The following VWF variants were observed in gnomAD, a reference collection of about 807,000 sequenced individuals.
The protein encoded by VWF is Factor VIII related antigen.
A neutral mutation model predicts 308.6 loss-of-function variants in VWF; 176 were observed. That is an observed-to-expected ratio of 0.57 (90% CI 0.50 to 0.65). The LOEUF is 0.65. Among genes scored for constraint, VWF ranks in the 30% least tolerant of loss-of-function variants. The pLI is 0.00. For synonymous variants in VWF, 1,385 were observed against 1,443.4 expected, an observed-to-expected ratio of 0.96 and a Z score of 0.92; for missense variants, 3,146 against 3,648.2, an observed-to-expected ratio of 0.86 and a Z score of 3.55.
chr12:6,084,206 TAA>T (rs775803452), intron 6 of VWF, among the ~76,000 whole-genome samples: 40 of 152,238 alleles, frequency 2.6e-4, no homozygotes, highest in Non-Finnish European at 4.4e-4. Flanking sequence ...CAAATGCTTA[TAA>T]CTATTCTCAT....
At chr12:6,082,448 T>C (rs1028375191) in intron 6 of VWF, among the ~76,000 whole-genome samples, 3 of 152,224 alleles carry the variant, frequency 2.0e-5, no homozygotes, top group Non-Finnish European at 2.9e-5. Flanking sequence ...GATTAAACAG[T>C]TGGAGAACTG....
intron 38 of VWF, 149 bp from the exon 39 acceptor site, chr12:5,985,814 G>A: frequency 3.9e-6 from 3 of 767,736 alleles, no homozygotes; most frequent in Non-Finnish European, 6.7e-6. Flanking sequence ...AAAGCAGGCT[G>A]AAAGGAGGTT....
rs1306604005 is a variant in VWF at position 5,951,835 on chromosome 12, C to T, written c.8155+9G>A. ...GTTTCAAGGGACAAGATATTAGTAACGCACTCACATGTGTCACAGCAGGTG... is the reference window on the plus strand; with the variant it reads ...GTTTCAAGGGACAAGATATTAGTAATGCACTCACATGTGTCACAGCAGGTG... On this transcript the variant is annotated intron_variant, in intron 50 of 51. Transcript: ENST00000261405. 8 of 1,614,020 alleles carry T rather than the reference C, an allele frequency of 5.0e-6. No individual in the cohort carries two copies. The highest frequency in any genetic ancestry group is 1.3e-5 in the African/African-American group (1 of 74,926).
chr12:6,032,414 C>A (rs542901911), intron 20 of VWF, among the ~76,000 whole-genome samples: 5 of 151,236 alleles, frequency 3.3e-5, no homozygotes, highest in African/African-American at 1.2e-4. Context: ...CTGAGGCGGG[C>A]GGATCACGAG....
intron 46 of VWF, 54 bp from the exon 47 acceptor site, chr12:5,967,656 C>A: frequency 6.7e-7 from 1 of 1,497,450 alleles, no homozygotes; most frequent in Non-Finnish European, 9.2e-7. Flanking sequence ...ACCCCCCACT[C>A]ACCTCACTCT....
intron 18 of VWF, among the ~76,000 whole-genome samples, chr12:6,039,733 G>A (rs1052761236): frequency 6.6e-6 from 1 of 152,210 alleles, no homozygotes; most frequent in Non-Finnish European, 1.5e-5. Context: ...ACGCCCACAT[G>A]TGAGGCCGCC....
chr12:6,103,432 GTGTGTATATACATACACATATA>G (rs1945200034), intron 5 of VWF, among the ~76,000 whole-genome samples: 1 of 117,262 alleles, frequency 8.5e-6, no homozygotes, highest in Non-Finnish European at 1.6e-5. Context: ...GTATACACAC[GTGTGTATATACATACACATATA>G]TGTGTATATA....
At chr12:6,018,022 T>G (rs1944081793) in intron 28 of VWF, among the ~76,000 whole-genome samples, 1 of 151,778 alleles carries the variant, frequency 6.6e-6, no homozygotes. Flanking sequence ...AGGGTGGAAT[T>G]GGGTGGGGAA....
rs911553909 is a variant in VWF, at chr12:6,075,103, G to A, written c.874+232C>T. ...GAAGTCAGGGGGCGCCAGGGGAGGC[G>A]TGGGGGCGGGACGGAGGCAGGGGCA... On this transcript the variant is annotated intron_variant, in intron 7 of 51. Coordinates refer to ENST00000261405, the MANE Select transcript of VWF (RefSeq NM_000552.5). The surrounding 1 kb of genome is among the most constrained non-coding windows in gnomAD (Gnocchi z 4.7). Among the ~76,000 whole-genome samples, 3 of 151,594 alleles carry A rather than the reference G, an allele frequency of 2.0e-5. No homozygotes were observed. Among genetic ancestry groups the A allele is most frequent in the Admixed American group, 6.6e-5 (1 of 15,208 alleles).
intron 22 of VWF, among the ~76,000 whole-genome samples, chr12:6,026,450 G>T (rs1250804719): frequency 6.6e-6 from 1 of 152,164 alleles, no homozygotes. Context: ...TCCAAGGAGG[G>T]AAAGTTATAG....
intron 47 of VWF, among the ~76,000 whole-genome samples, chr12:5,964,072 C>T (rs972026880): frequency 7.9e-5 from 12 of 152,026 alleles, no homozygotes; most frequent in Non-Finnish European, 1.8e-4. Flanking sequence ...AAAAAATTAG[C>T]TGGGCATGGC....
chr12:5,995,488 CAAGTA>C (rs1450568948), intron 35 of VWF, among the ~76,000 whole-genome samples: 10 of 152,122 alleles, frequency 6.6e-5, no homozygotes, highest in African/African-American at 2.4e-4. Flanking sequence ...TCTACACGAA[CAAGTA>C]AAGAAGTTGG....
intron 6 of VWF, among the ~76,000 whole-genome samples, chr12:6,086,466 G>C (rs911794960): frequency 6.6e-6 from 1 of 152,138 alleles, no homozygotes; most frequent in Non-Finnish European, 1.5e-5. Flanking sequence ...CCTTCCTTGA[G>C]ATCTACTGAC....
At chr12:6,096,764 T>C (rs1945109676) in intron 5 of VWF, among the ~76,000 whole-genome samples, 1 of 152,206 alleles carries the variant, frequency 6.6e-6, no homozygotes, top group Non-Finnish European at 1.5e-5. Context: ...TAGTGCAAAG[T>C]AATTGCGTAA....
In VWF at chr12:6,057,002, G is replaced by A. The variant is rs1248758940; in HGVS notation, c.1800C>T (p.Ser600=). 5 of 1,548,100 alleles carry A rather than the reference G, an allele frequency of 3.2e-6. No individual in the cohort carries two copies. Among genetic ancestry groups the A allele is most frequent in the Non-Finnish European group, 4.3e-6 (5 of 1,151,774 alleles). Residue 600 remains serine (S), a synonymous_variant, in exon 15 of 52, where the codon AGC becomes AGT. Coordinates refer to ENST00000261405, the MANE Select transcript of VWF (RefSeq NM_000552.5). The stretch of plus-strand genomic sequence containing the variant: ...GGCAGTTCCGCAGGTAGGGCAGCGG[G>A]CTGACGGCACGATGGCAGGCCTCGA... The part of the protein sequence containing the change: ...PTFEACHRAV[S]PLPYLRNCRY...
intron 34 of VWF, 75 bp from the exon 35 acceptor site, chr12:5,996,297 G>A (rs1943808333): frequency 7.2e-7 from 1 of 1,395,568 alleles, no homozygotes; most frequent in Non-Finnish European, 9.9e-7. Flanking sequence ...ACAGGCAGGT[G>A]TGACCAAGTT....
chr12:5,983,438 G>GATAGATAGATAGA (rs1943632757), intron 40 of VWF, among the ~76,000 whole-genome samples, 184 bp from the exon 41 acceptor site: 1 of 151,598 alleles, frequency 6.6e-6, no homozygotes, highest in Non-Finnish European at 1.5e-5. Context: ...TAGATAGAAT[G>GATAGATAGATAGA]ATAACTAGAT....
Position 6,013,613 on chromosome 12 carries a change from G to C in VWF, c.5488C>G (p.Arg1830Gly). 3 of 1,613,582 alleles carry C rather than the reference G, an allele frequency of 1.9e-6. No homozygotes were observed. The highest frequency in any genetic ancestry group is 2.2e-5 in the East Asian group (1 of 44,878). Residue 1830 changes from arginine to glycine, a missense_variant, in exon 32 of 52, where the codon CGC (arginine) becomes GGC (glycine). By Grantham distance (125) the Arg-to-Gly change is moderately radical. Around this residue, in one of 3 missense-constraint regions of VWF, gnomAD observed 853 missense variants for 1,177.8 expected, o/e 0.72. Transcript: ENST00000261405. The stretch of plus-strand genomic sequence containing the variant: ...ATCCGTAGCTGGGCTGCATCGTAGC[G>C]ATCTCCAATTCCAATAGGGAACACT... Reference protein sequence around the residue: ...VTVFPIGIGDRYDAAQLRILA... With the variant: ...VTVFPIGIGDGYDAAQLRILA...
chr12:6,087,611 C>T (rs898778848), intron 6 of VWF, among the ~76,000 whole-genome samples: 3 of 151,370 alleles, frequency 2.0e-5, no homozygotes, highest in African/African-American at 4.9e-5. Context: ...GTGATCCGCC[C>T]GCCTCGGCCT....
Sources: gnomAD v4.1 joint callset for allele counts (sites outside exome capture counted in the v4.1 genomes callset) on GRCh38, gnomAD v4.1.1 for gene constraint, gnomAD v4.1.1 regional missense constraint, Gnocchi (gnomAD v3.1) non-coding constraint, MANE v1.5 for transcripts, NCBI Gene and HGNC (gene_info 2026-07-23, HGNC 2026-07-21) for gene names.